Variants in TAFA4 observed in about 807,000 individuals in gnomAD.
The protein encoded by TAFA4 is chemokine-like protein TAFA-4.
Under a neutral mutation model 21.1 loss-of-function variants are expected in TAFA4, and 20 were observed. The ratio of observed to expected loss-of-function variants is 0.95; its 90% confidence interval spans 0.67 to 1.38. TAFA4 has a LOEUF of 1.38. TAFA4 is among the 40% of genes most tolerant of loss of function. The pLI, the probability that TAFA4 is intolerant of heterozygous loss-of-function variation, is 0.00. For synonymous variants in TAFA4, 71 were observed against 67.4 expected, an observed-to-expected ratio of 1.05 and a Z score of -0.26; for missense variants, 211 against 180.9, an observed-to-expected ratio of 1.17 and a Z score of -0.95.
chr3:68,749,276 T>C (rs1702518074), intron 4 of TAFA4, among the ~76,000 whole-genome samples: 1 of 152,236 alleles, frequency 6.6e-6, no homozygotes, highest in Non-Finnish European at 1.5e-5. Context: ...TAGATAATTA[T>C]CTGTGGTGTG....
At position 68,752,871 on chromosome 3, in the gene TAFA4, CA is replaced by C; in HGVS notation, c.277del (p.Cys93ValfsTer7). Reference sequence around the variant, plus strand: ...GACCAGAGAGGTCTTACCTTCAACACAAGAAGGTTGAGCCCGAGTTGTGCCC... The same window carrying C: ...GACCAGAGAGGTCTTACCTTCAACACAGAAGGTTGAGCCCGAGTTGTGCCC... ...VAGTTRAQPS[C>X]VEASIVIQKW... On this transcript the variant is annotated frameshift_variant, in exon 4 of 6. Coordinates refer to ENST00000295569, the MANE Select transcript of TAFA4 (RefSeq NM_182522.5). LOFTEE classifies it high-confidence loss of function. 6.2e-7 allele frequency: 1 copy of C among 1,614,064 alleles called. No homozygotes were observed. Among genetic ancestry groups the C allele is most frequent in the Non-Finnish European group, 8.5e-7 (1 of 1,180,016 alleles).
intron 3 of TAFA4, among the ~76,000 whole-genome samples, chr3:68,851,879 T>C (rs1252616869): frequency 6.6e-6 from 1 of 152,032 alleles, no homozygotes; most frequent in Non-Finnish European, 1.5e-5. Context: ...AATATTGAGA[T>C]CAGATCTATA....
intron 5 of TAFA4, among the ~76,000 whole-genome samples, chr3:68,737,133 A>T (rs1262056036): frequency 2.0e-5 from 3 of 152,142 alleles, no homozygotes; most frequent in African/African-American, 7.2e-5. Context: ...TATATATAAA[A>T]ATCAATACAA....
intron 1 of TAFA4, among the ~76,000 whole-genome samples, chr3:68,899,680 G>C (rs553040086): frequency 6.6e-6 from 1 of 152,024 alleles, no homozygotes; most frequent in Non-Finnish European, 1.5e-5. Context: ...ACCTATATAA[G>C]GAAATATTAG....
At chr3:68,832,464 T>G in intron 3 of TAFA4, among the ~76,000 whole-genome samples, 1 of 152,348 alleles carries the variant, frequency 6.6e-6, no homozygotes, top group African/African-American at 2.4e-5. Flanking sequence ...TGTTGGAGTT[T>G]GCTGGAGGTC....
intron 1 of TAFA4, among the ~76,000 whole-genome samples, chr3:68,926,393 T>C (rs2090108360): frequency 6.6e-6 from 1 of 152,244 alleles, no homozygotes; most frequent in Non-Finnish European, 1.5e-5. Context: ...TTTGAATTTT[T>C]CTACCCCAGG....
In TAFA4 at chr3:68,789,016, G is replaced by A. The variant is rs574309762; in HGVS notation, c.131-35998C>T. The stretch of plus-strand genomic sequence containing the variant: ...TGGGAGGCTGAGGTGGGTGGATCAC[G>A]AGGTCAGGAGACCAAGGCCATCCTG... On this transcript the variant is annotated intron_variant, in intron 3 of 5. Coordinates refer to ENST00000295569, the MANE Select transcript of TAFA4 (RefSeq NM_182522.5). Among the ~76,000 whole-genome samples the A allele has an allele frequency of 2.1e-3, 326 of 152,146 alleles. 1 individual carries two copies. The highest frequency in any genetic ancestry group is 3.4e-3 in the Non-Finnish European group (232 of 67,994).
chr3:68,865,717 GTGC>G (rs1188587810), intron 3 of TAFA4, among the ~76,000 whole-genome samples: 1 of 152,036 alleles, frequency 6.6e-6, no homozygotes, highest in Non-Finnish European at 1.5e-5. Flanking sequence ...TAATCATAGT[GTGC>G]TGCTGCTTCA....
At chr3:68,855,234 T>A (rs750560243) in intron 3 of TAFA4, among the ~76,000 whole-genome samples, 30 of 152,196 alleles carry the variant, frequency 2.0e-4, no homozygotes, top group Non-Finnish European at 3.8e-4. Flanking sequence ...ACAATCTAGA[T>A]TACTTCTATG....
At chr3:68,746,755 G>A (rs1443972635) in intron 4 of TAFA4, among the ~76,000 whole-genome samples, 1 of 152,110 alleles carries the variant, frequency 6.6e-6, no homozygotes, top group East Asian at 1.9e-4. Flanking sequence ...GTCAGTGCAT[G>A]AGTACACATA....
At chr3:68,856,353 G>A (rs774199148) in intron 3 of TAFA4, among the ~76,000 whole-genome samples, 8 of 152,098 alleles carry the variant, frequency 5.3e-5, no homozygotes, top group Non-Finnish European at 1.0e-4. Context: ...AATAAAGTAG[G>A]CATGCCATTC....
At chr3:68,904,764 A>G (rs918247037) in intron 1 of TAFA4, among the ~76,000 whole-genome samples, 3 of 151,924 alleles carry the variant, frequency 2.0e-5, no homozygotes, top group African/African-American at 4.8e-5. Flanking sequence ...TTATTTATCA[A>G]CTCCTCACTT....
chr3:68,761,570 A>G (rs1006047002), intron 3 of TAFA4, among the ~76,000 whole-genome samples: 2 of 152,216 alleles, frequency 1.3e-5, no homozygotes, highest in African/African-American at 4.8e-5. Flanking sequence ...TGCCAGAAAG[A>G]TAATGAAAGG....
chr3:68,772,714 G>A (rs1204262581), intron 3 of TAFA4, among the ~76,000 whole-genome samples: 1 of 152,176 alleles, frequency 6.6e-6, no homozygotes. Flanking sequence ...GGTAGAGGGA[G>A]GGGAGCTGGA....
intron 1 of TAFA4, among the ~76,000 whole-genome samples, chr3:68,899,275 T>C (rs1319092641): frequency 6.6e-6 from 1 of 152,204 alleles, no homozygotes; most frequent in Non-Finnish European, 1.5e-5. Context: ...TTTTTAATAT[T>C]CCATGTAGAA....
intron 3 of TAFA4, among the ~76,000 whole-genome samples, chr3:68,779,773 G>A (rs1323689485): frequency 6.6e-6 from 1 of 152,218 alleles, no homozygotes; most frequent in Admixed American, 6.5e-5. Context: ...ATCTCTGCTA[G>A]GACAGTGAAG....
At chr3:68,891,161 C>T (rs1308163625) in intron 1 of TAFA4, among the ~76,000 whole-genome samples, 2 of 152,278 alleles carry the variant, frequency 1.3e-5, no homozygotes, top group Non-Finnish European at 2.9e-5. Flanking sequence ...GAACATCATA[C>T]ATGAAGGCTA....
chr3:68,733,908 A>G (rs1702195773), intron 5 of TAFA4, among the ~76,000 whole-genome samples: 1 of 152,148 alleles, frequency 6.6e-6, no homozygotes, highest in Non-Finnish European at 1.5e-5. Context: ...ACTCAACAGT[A>G]TTACTCCCCT....
chr3:68,842,528 G>A (rs1386687983), intron 3 of TAFA4, among the ~76,000 whole-genome samples: 1 of 152,144 alleles, frequency 6.6e-6, no homozygotes, highest in Non-Finnish European at 1.5e-5. Context: ...CCTTTCCTGT[G>A]CAGAAGCTTT....
Sources: gnomAD v4.1 joint callset for allele counts (sites outside exome capture counted in the v4.1 genomes callset) on GRCh38, gnomAD v4.1.1 for gene constraint, MANE v1.5 for transcripts, NCBI Gene and HGNC (gene_info 2026-07-23, HGNC 2026-07-21) for gene names.